The following PCDH11X variants were observed in gnomAD, a reference collection of about 807,000 sequenced individuals.
PCDH11X encodes the protein protocadherin 11 X-linked.
In PCDH11X, 18 loss-of-function variants were observed where a neutral mutation model predicts 53.3. The observed-to-expected ratio is 0.34, with a 90% confidence interval of 0.23 to 0.50. PCDH11X has a LOEUF of 0.50. Ranked by LOEUF, PCDH11X falls within the 20% of genes least tolerant of loss-of-function variation. The probability of loss-of-function intolerance (pLI) is 0.98; values close to 1 mark genes in which losing one functional copy is unlikely to be tolerated. For missense variants in PCDH11X, 570 were observed against 1,032.4 expected, an observed-to-expected ratio of 0.55 and a Z score of 6.14; for synonymous variants, 279 against 393.3, an observed-to-expected ratio of 0.71 and a Z score of 3.44.
intron 7 of PCDH11X, among the ~76,000 whole-genome samples, chrX:92,233,230 T>C (rs1446009161): frequency 9.0e-6 from 1 of 111,259 alleles, no homozygotes; most frequent in Non-Finnish European, 1.9e-5. Flanking sequence ...TCACTGATTA[T>C]GTTTTTTTTA....
At chrX:92,152,704 TA>T (rs1444351462) in intron 6 of PCDH11X, among the ~76,000 whole-genome samples, 2 of 112,234 alleles carry the variant, frequency 1.8e-5, no homozygotes, top group Non-Finnish European at 3.8e-5. Context: ...ATTAAACATT[TA>T]AAATTGTAAT....
At chrX:91,991,423 A>G (rs1569296067) in intron 6 of PCDH11X, among the ~76,000 whole-genome samples, 1 of 86,459 alleles carries the variant, frequency 1.2e-5, no homozygotes, top group Non-Finnish European at 2.2e-5. Context: ...TCTGGGATAC[A>G]TAAGGCAAAA....
At chrX:92,321,261 C>T (rs1301442230) in intron 8 of PCDH11X, among the ~76,000 whole-genome samples, 29 of 101,786 alleles carry the variant, frequency 2.8e-4, no homozygotes, top group African/African-American at 1.0e-3. Flanking sequence ...GGCGCAATCT[C>T]GGCTCACTGC....
chrX:92,230,520 A>C (rs1165371259), intron 7 of PCDH11X, among the ~76,000 whole-genome samples: 1 of 94,092 alleles, frequency 1.1e-5, no homozygotes, highest in Admixed American at 1.4e-4. Context: ...TATATAATAT[A>C]TATAAAATAC....
chrX:92,514,786 G>A (rs1391126648), intron 10 of PCDH11X, among the ~76,000 whole-genome samples: 5 of 108,006 alleles, frequency 4.6e-5, no homozygotes, highest in Non-Finnish European at 7.7e-5. Flanking sequence ...GGTGGCTCAC[G>A]CCTGTAATCC....
At chrX:91,792,636 G>A (rs1271541766) in intron 1 of PCDH11X, among the ~76,000 whole-genome samples, 1 of 111,012 alleles carries the variant, frequency 9.0e-6, no homozygotes, top group African/African-American at 3.3e-5. Flanking sequence ...AACTTTAAAG[G>A]AAATGGATTA....
At chrX:91,948,762 T>C (rs1602545474) in intron 6 of PCDH11X, among the ~76,000 whole-genome samples, 3 of 110,303 alleles carry the variant, frequency 2.7e-5, no homozygotes, top group Middle Eastern at 9.3e-3. Flanking sequence ...TGGAGATTGA[T>C]ATCCAAGGAG....
intron 6 of PCDH11X, among the ~76,000 whole-genome samples, chrX:92,159,814 ATTTTTTTTT>A (rs1177460058): frequency 4.7e-5 from 2 of 42,403 alleles, no homozygotes; most frequent in African/African-American, 1.5e-4. Context: ...AGGTTACCTC[ATTTTTTTTT>A]TTTTTTTTGT....
At chrX:92,500,591 A>C (rs2073943284) in intron 10 of PCDH11X, among the ~76,000 whole-genome samples, 1 of 110,477 alleles carries the variant, frequency 9.1e-6, no homozygotes, top group South Asian at 3.8e-4. Flanking sequence ...ACATCCACTC[A>C]AAAGCACACA....
At chrX:92,424,842 T>C in intron 9 of PCDH11X, among the ~76,000 whole-genome samples, 1 of 97,333 alleles carries the variant, frequency 1.0e-5, no homozygotes, top group Non-Finnish European at 2.3e-5. Context: ...ATTTTAGTTA[T>C]AACAAGTGGT....
intron 9 of PCDH11X, among the ~76,000 whole-genome samples, chrX:92,461,278 G>T: frequency 9.2e-6 from 1 of 108,150 alleles, no homozygotes; most frequent in East Asian, 2.9e-4. Context: ...TAACTACACT[G>T]GGGGAATCAT....
At chrX:91,809,995 C>T (rs1398423579) in intron 2 of PCDH11X, among the ~76,000 whole-genome samples, 1 of 111,348 alleles carries the variant, frequency 9.0e-6, no homozygotes, top group African/African-American at 3.3e-5. Context: ...TATCACTTTT[C>T]ATTTAATCCA....
At chrX:91,971,125 G>A (rs1208179899) in intron 6 of PCDH11X, among the ~76,000 whole-genome samples, 2 of 111,584 alleles carry the variant, frequency 1.8e-5, no homozygotes, top group Non-Finnish European at 3.8e-5. Flanking sequence ...TATAGCTCAA[G>A]TAAGCAAAGA....
At chrX:92,102,136 C>T (rs752546430) in intron 6 of PCDH11X, among the ~76,000 whole-genome samples, 308 of 110,689 alleles carry the variant, frequency 2.8e-3, no homozygotes, top group African/African-American at 9.7e-3. Context: ...GATTGAAGTC[C>T]CGGCCAGGAA....
At chrX:92,056,607 A>G (rs1273903221) in intron 6 of PCDH11X, among the ~76,000 whole-genome samples, 1 of 110,062 alleles carries the variant, frequency 9.1e-6, no homozygotes, top group East Asian at 2.8e-4. Flanking sequence ...ATCTTTGCCC[A>G]TGTCTATGTC....
At chrX:92,496,967 T>C (rs1218638062) in intron 10 of PCDH11X, among the ~76,000 whole-genome samples, 1 of 110,838 alleles carries the variant, frequency 9.0e-6, no homozygotes, top group Non-Finnish European at 1.9e-5. Flanking sequence ...TTGTGTTCCA[T>C]AGCACTCTGA....
At chrX:92,254,342 G>A (rs866911709) in intron 7 of PCDH11X, among the ~76,000 whole-genome samples, 8 of 110,707 alleles carry the variant, frequency 7.2e-5, no homozygotes, top group South Asian at 3.9e-4. Flanking sequence ...GTCTCTGCAC[G>A]TGAGATGGGT....
At chrX:91,936,713 T>A (rs1048291842) in intron 6 of PCDH11X, among the ~76,000 whole-genome samples, 1 of 106,469 alleles carries the variant, frequency 9.4e-6, no homozygotes, top group Non-Finnish European at 1.9e-5. Flanking sequence ...AGTTTAGCTA[T>A]AGGCAAAATA....
At chrX:91,812,793 A>G (rs1225401058) in intron 4 of PCDH11X, among the ~76,000 whole-genome samples, 1 of 110,845 alleles carries the variant, frequency 9.0e-6, no homozygotes, top group Non-Finnish European at 1.9e-5. Flanking sequence ...TGCTCCTACC[A>G]GTTTCCCCTT....
Sources: allele counts gnomAD v4.1 joint callset (sites outside exome capture counted in the v4.1 genomes callset), GRCh38; gene constraint gnomAD v4.1.1; transcripts MANE v1.5; gene names NCBI Gene and HGNC (gene_info 2026-07-23, HGNC 2026-07-21).